The following MRTFA variants were observed in gnomAD, a reference collection of about 807,000 sequenced individuals.
MRTFA encodes the protein myocardin-related transcription factor A.
MRTFA carries 20 observed loss-of-function variants against 83.5 expected under a neutral mutation model. The ratio of observed to expected loss-of-function variants is 0.24; its 90% CI spans 0.17 to 0.35. The LOEUF (loss-of-function observed/expected upper bound fraction) is 0.35. Among genes scored for constraint, MRTFA ranks in the 10% least tolerant of loss-of-function variants. The pLI is 1.00. For synonymous variants in MRTFA, 659 were observed against 541.2 expected, an observed-to-expected ratio of 1.22 and a Z score of -3.02; for missense variants, 1,200 against 1,224.7, an observed-to-expected ratio of 0.98 and a Z score of 0.30.
intron 3 of MRTFA, among the ~76,000 whole-genome samples, chr22:40,490,578 G>A (rs552045718): frequency 4.1e-5 from 6 of 147,930 alleles, no homozygotes; most frequent in Non-Finnish European, 5.9e-5. Flanking sequence ...CAGCCTGGGC[G>A]ACAGAGTGAG....
At chr22:40,500,598 A>T (rs1483418511) in intron 3 of MRTFA, among the ~76,000 whole-genome samples, 2 of 151,736 alleles carry the variant, frequency 1.3e-5, no homozygotes, top group Non-Finnish European at 2.9e-5. Context: ...GGTGACTCTT[A>T]ACGAGCATGC....
chr22:40,623,690 G>T (rs2056549384), intron 1 of MRTFA, among the ~76,000 whole-genome samples: 1 of 152,148 alleles, frequency 6.6e-6, no homozygotes, highest in Non-Finnish European at 1.5e-5. Context: ...TGTAACTGTG[G>T]TTAGTGCTAC....
At chr22:40,535,688 G>GT (rs2055159688) in intron 3 of MRTFA, among the ~76,000 whole-genome samples, 1 of 152,036 alleles carries the variant, frequency 6.6e-6, no homozygotes, top group South Asian at 2.1e-4. Context: ...AGTAATGAGG[G>GT]TTTTCAAATG....
At chr22:40,598,995 T>C (rs1171621332) in intron 1 of MRTFA, among the ~76,000 whole-genome samples, 3 of 103,328 alleles carry the variant, frequency 2.9e-5, no homozygotes, top group Non-Finnish European at 5.9e-5. Flanking sequence ...GGAAACTCCA[T>C]CTAAAAAAAA....
At chr22:40,417,805 T>G in intron 12 of MRTFA, 1 of 342,710 alleles carries the variant, frequency 2.9e-6, no homozygotes, top group African/African-American at 2.1e-5. Flanking sequence ...CCCTGTCTCC[T>G]ATCCTGAGGT....
intron 3 of MRTFA, among the ~76,000 whole-genome samples, chr22:40,486,281 A>C (rs563079722): frequency 6.6e-6 from 1 of 152,218 alleles, no homozygotes. Flanking sequence ...CCCACCTGCA[A>C]GCCCGAACAG....
intron 1 of MRTFA, among the ~76,000 whole-genome samples, chr22:40,624,063 C>T (rs181738249): frequency 6.6e-6 from 1 of 152,220 alleles, no homozygotes; most frequent in Non-Finnish European, 1.5e-5. Context: ...ATGTTCAAAC[C>T]ACTGAACTCC....
At chr22:40,494,744 C>A (rs1449892181) in intron 3 of MRTFA, among the ~76,000 whole-genome samples, 7 of 151,060 alleles carry the variant, frequency 4.6e-5, no homozygotes, top group African/African-American at 1.7e-4. Context: ...TTTTTAAAAA[C>A]CCAATAAACT....
chr22:40,604,608 G>A (rs540038674), intron 1 of MRTFA, among the ~76,000 whole-genome samples: 11 of 152,032 alleles, frequency 7.2e-5, no homozygotes, highest in Non-Finnish European at 1.2e-4. Context: ...TTAGCCGGGC[G>A]TGGTGGCATG....
chr22:40,585,757 G>A (rs956842961), intron 2 of MRTFA, among the ~76,000 whole-genome samples: 1 of 152,164 alleles, frequency 6.6e-6, no homozygotes, highest in Non-Finnish European at 1.5e-5. Flanking sequence ...GAGAGATGAA[G>A]GTGGCTTAGC....
At chr22:40,435,921 C>A (rs1354310557) in intron 4 of MRTFA, among the ~76,000 whole-genome samples, 1 of 142,804 alleles carries the variant, frequency 7.0e-6, no homozygotes, top group Non-Finnish European at 1.5e-5. Context: ...GGCAACAGAG[C>A]GAGAAACCGT....
At chr22:40,443,624 A>T (rs920378482) in intron 4 of MRTFA, among the ~76,000 whole-genome samples, 2 of 152,210 alleles carry the variant, frequency 1.3e-5, no homozygotes, top group African/African-American at 4.8e-5. Flanking sequence ...AGCACAACAG[A>T]AAACTTTTAG....
intron 5 of MRTFA, chr22:40,433,621 A>G (rs1177692373): frequency 6.5e-6 from 1 of 152,836 alleles, no homozygotes; most frequent in Non-Finnish European, 1.5e-5. Context: ...CACAGATGTG[A>G]GCAGCTGGTT....
intron 4 of MRTFA, among the ~76,000 whole-genome samples, chr22:40,452,836 C>A (rs905646310): frequency 3.6e-4 from 54 of 150,740 alleles, no homozygotes; most frequent in Non-Finnish European, 5.8e-4. Flanking sequence ...ATGATGACGA[C>A]TACTTTTTAT....
At chr22:40,595,863 C>CTTTTTTTTTTTTTTTTTTTTT (rs35215701) in intron 1 of MRTFA, among the ~76,000 whole-genome samples, 1 of 78,108 alleles carries the variant, frequency 1.3e-5, no homozygotes, top group African/African-American at 4.9e-5. Context: ...TATCTAAAGT[C>CTTTTTTTTTTTTTTTTTTTTT]TTTTTTTTTT....
At chr22:40,502,934 C>T (rs1602348968) in intron 3 of MRTFA, among the ~76,000 whole-genome samples, 1 of 152,212 alleles carries the variant, frequency 6.6e-6, no homozygotes, top group African/African-American at 2.4e-5. Context: ...TTTTTTCCTT[C>T]CTAGTGTCAC....
chr22:40,459,830 C>CATATATAT (rs55885079), intron 4 of MRTFA, among the ~76,000 whole-genome samples: 5,057 of 86,368 alleles, frequency 0.059, 273 homozygotes, highest in Non-Finnish European at 0.066. Context: ...CACATATATA[C>CATATATAT]ATATATATAT....
chr22:40,601,592 C>A (rs963158186), intron 1 of MRTFA, among the ~76,000 whole-genome samples: 2 of 152,056 alleles, frequency 1.3e-5, no homozygotes, highest in African/African-American at 4.8e-5. Context: ...TAGACTCTAG[C>A]CTAGTTTTAT....
At chr22:40,600,798 T>C (rs1035440527) in intron 1 of MRTFA, among the ~76,000 whole-genome samples, 2 of 152,102 alleles carry the variant, frequency 1.3e-5, no homozygotes, top group South Asian at 4.1e-4. Context: ...GCCAACGTAG[T>C]GAAACCCCGT....
Sources: gnomAD v4.1 joint callset for allele counts (sites outside exome capture counted in the v4.1 genomes callset) on GRCh38, gnomAD v4.1.1 for gene constraint, MANE v1.5 for transcripts, NCBI Gene and HGNC (gene_info 2026-07-23, HGNC 2026-07-21) for gene names.